The following TAFA2 variants were observed in gnomAD, a reference collection of about 807,000 sequenced individuals.
The protein encoded by TAFA2 is TAFA chemokine like family member 2.
A neutral mutation model predicts 18.8 loss-of-function variants in TAFA2; 7 were observed. The observed-to-expected ratio is 0.37, with a 90% CI of 0.21 to 0.70. The LOEUF is 0.70. Among genes scored for constraint, TAFA2 ranks in the 30% least tolerant of loss-of-function variants. The pLI is 0.53. For synonymous variants in TAFA2, 60 were observed against 54.2 expected (o/e 1.11, Z -0.47); for missense variants, 122 against 158.1 (o/e 0.77, Z 1.23).
chr12:61,774,228 G>T (rs895524415), intron 2 of TAFA2, among the ~76,000 whole-genome samples: 2 of 151,994 alleles, frequency 1.3e-5, no homozygotes, highest in African/African-American at 4.8e-5. Flanking sequence ...ACTGCTAGTG[G>T]AAATGTAAAC....
chr12:62,045,719 A>G (rs1277268517), intron 1 of TAFA2, among the ~76,000 whole-genome samples: 2 of 152,190 alleles, frequency 1.3e-5, no homozygotes, highest in African/African-American at 4.8e-5. Flanking sequence ...GAGAAACACT[A>G]TATGTAGAGA....
At chr12:62,232,283 T>C (rs537477713) in intron 1 of TAFA2, among the ~76,000 whole-genome samples, 2 of 152,314 alleles carry the variant, frequency 1.3e-5, no homozygotes, top group Admixed American at 6.5e-5. Context: ...CAAAGCCACC[T>C]TGACTCTCTC....
At chr12:62,229,227 G>A (rs566128587) in intron 1 of TAFA2, among the ~76,000 whole-genome samples, 4 of 152,076 alleles carry the variant, frequency 2.6e-5, no homozygotes, top group East Asian at 1.9e-4. Flanking sequence ...AATTGCTCCC[G>A]TTAGGACTTC....
At position 61,710,172 on chromosome 12, in the gene TAFA2, T is replaced by G; in HGVS notation, c.*234A>C. ...CAGTGACTTCAAATTCTTTTAACAATTTACAAGTTGAACACAGTTCAAATC... is the reference window on the plus strand; with the variant it reads ...CAGTGACTTCAAATTCTTTTAACAAGTTACAAGTTGAACACAGTTCAAATC... On this transcript the variant is annotated 3_prime_UTR_variant, in exon 5 of 5. Coordinates refer to ENST00000416284, the MANE Select transcript of TAFA2 (RefSeq NM_178539.5). 1 of 466,364 alleles carries G rather than the reference T, an allele frequency of 2.1e-6. No homozygotes were observed. The highest frequency in any genetic ancestry group is 3.8e-6 in the Non-Finnish European group (1 of 261,080). 28.9% of individuals were successfully genotyped at this position (466,364 alleles called of 1,614,324 possible). A position where few individuals can be genotyped will look rare whatever the true frequency, so the allele number is the denominator to read the frequency against.
intron 1 of TAFA2, among the ~76,000 whole-genome samples, chr12:62,063,855 G>GACACACACAC (rs3031045): frequency 0.018 from 2,631 of 147,996 alleles, 35 homozygotes; most frequent in South Asian, 0.033. Context: ...AGGGTGGCTG[G>GACACACACAC]ACACACACAC....
At chr12:61,859,685 GC>G (rs1046572015) in intron 2 of TAFA2, among the ~76,000 whole-genome samples, 7 of 151,980 alleles carry the variant, frequency 4.6e-5, no homozygotes, top group Admixed American at 4.6e-4. Context: ...CTCGTGATCC[GC>G]CCGCCTCGGT....
At chr12:62,231,518 T>G (rs184213581) in intron 1 of TAFA2, among the ~76,000 whole-genome samples, 75 of 152,352 alleles carry the variant, frequency 4.9e-4, no homozygotes, top group African/African-American at 1.7e-3. Flanking sequence ...TTGATTTCTA[T>G]CCATTCAGCC....
At chr12:61,880,603 T>C (rs1592456909) in intron 1 of TAFA2, 1 of 430,380 alleles carries the variant, frequency 2.3e-6, no homozygotes, top group East Asian at 6.0e-5. Context: ...GCTCGGCCTA[T>C]GGGGGCCTCA....
intron 1 of TAFA2, among the ~76,000 whole-genome samples, chr12:62,080,133 G>T (rs2136818491): frequency 6.6e-6 from 1 of 152,320 alleles, no homozygotes; most frequent in Non-Finnish European, 1.5e-5. Context: ...AGCAGAGGCT[G>T]CTCAGCTCTG....
intron 2 of TAFA2, among the ~76,000 whole-genome samples, chr12:61,813,037 G>T (rs188051072): frequency 4.7e-4 from 71 of 151,536 alleles, no homozygotes; most frequent in Middle Eastern, 6.8e-3. Flanking sequence ...TTAAAGTTGT[G>T]TAACCCACTG....
intron 1 of TAFA2, among the ~76,000 whole-genome samples, chr12:61,925,947 C>T (rs895188435): frequency 6.6e-6 from 1 of 152,014 alleles, no homozygotes; most frequent in African/African-American, 2.4e-5. Flanking sequence ...AATATATAGA[C>T]CACTAGCCAG....
intron 1 of TAFA2, among the ~76,000 whole-genome samples, chr12:62,175,099 C>T (rs2062503297): frequency 6.6e-6 from 1 of 152,140 alleles, no homozygotes; most frequent in Non-Finnish European, 1.5e-5. Flanking sequence ...TTTTAGCATT[C>T]CTTTCCCTGT....
intron 2 of TAFA2, among the ~76,000 whole-genome samples, chr12:61,857,079 C>T (rs554357853): frequency 1.3e-5 from 2 of 151,650 alleles, no homozygotes; most frequent in African/African-American, 2.4e-5. Flanking sequence ...TCAATTTTCT[C>T]CAACAATAGT....
chr12:62,218,711 T>C (rs1410509546), intron 1 of TAFA2, among the ~76,000 whole-genome samples: 18 of 152,208 alleles, frequency 1.2e-4, no homozygotes, highest in Admixed American at 1.2e-3. Flanking sequence ...TTCTTGGATA[T>C]AATATTATAC....
chr12:62,063,210 T>A (rs139514948), intron 1 of TAFA2, among the ~76,000 whole-genome samples: 185 of 152,334 alleles, frequency 1.2e-3, no homozygotes, highest in African/African-American at 4.4e-3. Flanking sequence ...TCCTTCAGCA[T>A]GAAAGTTGTC....
chr12:61,991,484 A>G (rs1047984022), intron 1 of TAFA2, among the ~76,000 whole-genome samples: 1 of 152,202 alleles, frequency 6.6e-6, no homozygotes, highest in Non-Finnish European at 1.5e-5. Flanking sequence ...TAAACAGTCT[A>G]AAGTCATTTA....
chr12:61,838,230 A>G (rs993177016), intron 2 of TAFA2, among the ~76,000 whole-genome samples: 1 of 151,982 alleles, frequency 6.6e-6, no homozygotes, highest in Admixed American at 6.6e-5. Context: ...AAAGGCATAG[A>G]CAGAAGGGGA....
intron 1 of TAFA2, among the ~76,000 whole-genome samples, chr12:62,117,109 CTT>C (rs1361989895): frequency 2.6e-5 from 4 of 152,246 alleles, no homozygotes; most frequent in Non-Finnish European, 5.9e-5. Context: ...CTTCCGGAAA[CTT>C]TGAAATTTCT....
At chr12:61,761,475 T>G (rs1159928907) in intron 2 of TAFA2, among the ~76,000 whole-genome samples, 5 of 151,940 alleles carry the variant, frequency 3.3e-5, no homozygotes, top group Non-Finnish European at 7.4e-5. Flanking sequence ...TTACTGGCCA[T>G]AGCTTAATAT....
Sources: allele counts gnomAD v4.1 joint callset (sites outside exome capture counted in the v4.1 genomes callset), GRCh38; gene constraint gnomAD v4.1.1; transcripts MANE v1.5; gene names NCBI Gene and HGNC (gene_info 2026-07-23, HGNC 2026-07-21).